SPANXN3: variants seen among roughly 807,000 people sequenced by gnomAD.
The protein encoded by SPANXN3 is SPANX family member N3, also known as sperm protein associated with the nucleus on the X chromosome N3.
SPANXN3 carries 1 observed loss-of-function variant against 1.9 expected under a neutral mutation model. That is an observed-to-expected ratio of 0.54 (90% CI 0.19 to 2.54). The LOEUF is 2.54. SPANXN3 is among the 30% of genes most tolerant of loss of function. SPANXN3 has a pLI of 0.24. For synonymous variants in SPANXN3, 47 were observed against 40.0 expected, an observed-to-expected ratio of 1.17 and a Z score of -0.66; for missense variants, 113 against 96.2, an observed-to-expected ratio of 1.17 and a Z score of -0.73.
chrX:143,513,216 C>T (rs187879725), intron 1 of SPANXN3, among the ~76,000 whole-genome samples: 1 of 111,838 alleles, frequency 8.9e-6, no homozygotes, highest in Admixed American at 9.4e-5. Context: ...ACCCAGCTTG[C>T]CCCATCAACT....
intron 1 of SPANXN3, chrX:143,509,492 G>C (rs1391240723): frequency 1.3e-5 from 3 of 229,804 alleles, no homozygotes; most frequent in Non-Finnish European, 2.3e-5. Flanking sequence ...CTCAACTAAA[G>C]AAACATCCCT....
At chrX:143,509,405 C>G (rs1399185469) in intron 1 of SPANXN3, among the ~76,000 whole-genome samples, 2 of 111,194 alleles carry the variant, frequency 1.8e-5, no homozygotes, top group African/African-American at 6.6e-5. Flanking sequence ...AGACCTTGGT[C>G]AAAGTGAAAC....
At chrX:143,516,231 A>T (rs181220709) in intron 1 of SPANXN3, among the ~76,000 whole-genome samples, 3 of 112,230 alleles carry the variant, frequency 2.7e-5, no homozygotes, top group African/African-American at 9.7e-5. Context: ...TAAAAGTTAA[A>T]ACAAAGAATT....
At chrX:143,509,977 C>T (rs781985477) in intron 1 of SPANXN3, among the ~76,000 whole-genome samples, 1 of 111,211 alleles carries the variant, frequency 9.0e-6, no homozygotes, top group Admixed American at 9.6e-5. Context: ...GCAAGCAGCA[C>T]AAACTAGACC....
At chrX:143,515,497 G>A (rs1441092369) in intron 1 of SPANXN3, among the ~76,000 whole-genome samples, 8 of 110,863 alleles carry the variant, frequency 7.2e-5, no homozygotes, top group Non-Finnish European at 1.9e-5. Context: ...ATGCCAATTC[G>A]TCATACTAAT....
chrX:143,515,878 A>C (rs1929205417), intron 1 of SPANXN3, among the ~76,000 whole-genome samples: 1 of 111,621 alleles, frequency 9.0e-6, no homozygotes, highest in African/African-American at 3.3e-5. Flanking sequence ...CCACACCATC[A>C]CATACAGGGC....
chrX:143,508,940 C>G lies in SPANXN3; in HGVS notation c.301G>C (p.Asp101His), dbSNP rs2124252892. 1 of 1,210,204 alleles carries G rather than the reference C, an allele frequency of 8.3e-7. No homozygotes were observed. Among genetic ancestry groups the G allele is most frequent in the African/African-American group, 1.7e-5 (1 of 57,261 alleles). The change falls in exon 2 of 2, where the codon GAC becomes CAC. Residue 101 changes from aspartate to histidine, a missense_variant. Physicochemically the swap from Asp to His is moderately conservative, Grantham distance 81. Transcript: ENST00000370503. ...GAAGGTCCTTCACATGGGCCTAGGT[C>G]TTCATCCTCATTTGAAGATCCTTCA... ...LSEGSSNEDE[D>H]LGPCEGPSKE...
chrX:143,510,844 C>A (rs1368086660), intron 1 of SPANXN3, among the ~76,000 whole-genome samples: 2 of 109,860 alleles, frequency 1.8e-5, no homozygotes, highest in African/African-American at 6.6e-5. Flanking sequence ...TCCTCCACCC[C>A]CTTACTGTCA....
At chrX:143,515,970 C>A (rs782113219) in intron 1 of SPANXN3, among the ~76,000 whole-genome samples, 1 of 85,214 alleles carries the variant, frequency 1.2e-5, no homozygotes, top group South Asian at 6.7e-4. Context: ...AAACCCCTCC[C>A]CTCTTGGCTG....
At chrX:143,513,102 CT>C (rs1417172991) in intron 1 of SPANXN3, among the ~76,000 whole-genome samples, 82 of 111,541 alleles carry the variant, frequency 7.4e-4, no homozygotes, top group South Asian at 1.2e-3. Flanking sequence ...ACCTTCTCTC[CT>C]TCTCGGGCCT....
At chrX:143,509,626 C>T (rs1929046259) in intron 1 of SPANXN3, 1 of 123,921 alleles carries the variant, frequency 8.1e-6, no homozygotes, top group African/African-American at 3.3e-5. Context: ...CAAAGGAACA[C>T]CACAATGATA....
intron 1 of SPANXN3, chrX:143,509,564 T>C (rs1556411416): frequency 3.7e-5 from 5 of 136,827 alleles, no homozygotes; most frequent in Non-Finnish European, 5.8e-5. Flanking sequence ...CCTCCAGATA[T>C]TGATTAAACT....
At chrX:143,515,644 G>A (rs1929198164) in intron 1 of SPANXN3, among the ~76,000 whole-genome samples, 1 of 109,330 alleles carries the variant, frequency 9.1e-6, no homozygotes, top group Non-Finnish European at 1.9e-5. Flanking sequence ...CCCTTCATCA[G>A]CCTCACACCT....
At chrX:143,510,208 T>G (rs1385307515) in intron 1 of SPANXN3, 1 of 111,412 alleles carries the variant, frequency 9.0e-6, no homozygotes, top group African/African-American at 3.3e-5. Flanking sequence ...CTCCCTATTC[T>G]TCCTTTCTGG....
intron 1 of SPANXN3, among the ~76,000 whole-genome samples, chrX:143,514,120 G>A (rs1235088904): frequency 1.8e-5 from 2 of 111,937 alleles, no homozygotes; most frequent in East Asian, 5.7e-4. Context: ...ATTGCAAGGG[G>A]TGCCGAAAGT....
chrX:143,514,636 A>G (rs1463615063), intron 1 of SPANXN3, among the ~76,000 whole-genome samples: 1 of 110,814 alleles, frequency 9.0e-6, no homozygotes, highest in African/African-American at 3.3e-5. Flanking sequence ...AGCTTTTCCC[A>G]CCACCACCGA....
At position 143,509,162 on chromosome X, in the gene SPANXN3, T is replaced by A. The variant is rs138886642; in HGVS notation, c.79A>T (p.Met27Leu). ...AAGACTCTGTTTGGTACCTCTTGCA[T>A]CTGGTAAGAAAATAGGGAGAGGCCA... Reference protein sequence around the residue: ...CESNNKKNDEMQEVPNRVLAP... With the variant: ...CESNNKKNDELQEVPNRVLAP... Residue 27 changes from methionine to leucine, a missense_variant and splice_region_variant, in exon 2 of 2, where the codon ATG (methionine) becomes TTG (leucine). By Grantham distance (15) the Met-to-Leu change is conservative. Transcript: ENST00000370503. The A allele has an allele frequency of 1.3e-4, 159 of 1,197,943 alleles. No individual in the cohort carries two copies. The highest frequency in any genetic ancestry group is 2.4e-4 in the Middle Eastern group (1 of 4,176).
chrX:143,509,394 C>A (rs1303146817), intron 1 of SPANXN3, among the ~76,000 whole-genome samples: 1 of 111,190 alleles, frequency 9.0e-6, no homozygotes, highest in Non-Finnish European at 1.9e-5. Context: ...TGCTATGTTG[C>A]AGACCTTGGT....
intron 1 of SPANXN3, 66 bp from the exon 2 acceptor site, chrX:143,509,228 G>A (rs1556411349): frequency 2.1e-5 from 19 of 920,626 alleles, no homozygotes; most frequent in Non-Finnish European, 2.7e-5. Context: ...AGACTAGATA[G>A]CAAGGGGGGC....
Sources: allele counts gnomAD v4.1 joint callset (sites outside exome capture counted in the v4.1 genomes callset), GRCh38; gene constraint gnomAD v4.1.1; transcripts MANE v1.5; gene names NCBI Gene and HGNC (gene_info 2026-07-23, HGNC 2026-07-21).